GALK2: variants seen among roughly 807,000 people sequenced by gnomAD.
The protein encoded by GALK2 is galactokinase 2, also known as N-acetylgalactosamine kinase.
A neutral mutation model predicts 52.4 loss-of-function variants in GALK2; 36 were observed. The observed-to-expected ratio is 0.69, with a 90% CI of 0.53 to 0.91. The LOEUF is 0.91. Ranked by LOEUF, GALK2 falls within the 40% of genes least tolerant of loss-of-function variation. GALK2 has a pLI of 0.00. For synonymous variants in GALK2, 176 were observed against 199.1 expected, an observed-to-expected ratio of 0.88 and a Z score of 0.98; for missense variants, 579 against 559.1, an observed-to-expected ratio of 1.04 and a Z score of -0.36.
intron 5 of GALK2, among the ~76,000 whole-genome samples, chr15:49,250,553 A>G (rs951705188): frequency 6.6e-6 from 1 of 152,184 alleles, no homozygotes; most frequent in Non-Finnish European, 1.5e-5. Context: ...AAGACAAATC[A>G]CATGTAACTG....
chr15:49,216,104 A>G lies in GALK2; in HGVS notation c.143-1086A>G, dbSNP rs189610810. ...CCCTTTACTCCTCCCAGTCAGAAGT[A>G]GTCTGTCTCCATACTGGGCTGCCTA... is the stretch of plus-strand genomic sequence containing the variant. On this transcript the variant is annotated intron_variant, in intron 2 of 9. Transcript: ENST00000560031. 2.0e-5 allele frequency among the ~76,000 whole-genome samples: 3 copies of G among 152,318 alleles called. No homozygotes were observed. In the East Asian group the frequency reaches 5.8e-4, roughly 29 times the overall value.
chr15:49,327,945 G>T lies in GALK2; in HGVS notation c.1170-7G>T, dbSNP rs1302433781. ...AGGTTCTAATATTTTTTTCCTCACT[G>T]TTTTAGGAAGTTTGGGGCTCAAGGG... On this transcript the variant is annotated splice_region_variant and splice_polypyrimidine_tract_variant and intron_variant, in intron 9 of 9. Transcript: ENST00000560031. 5.6e-6 allele frequency: 9 copies of T among 1,603,396 alleles called. No homozygotes were observed. The highest frequency in any genetic ancestry group is 5.1e-5 in the Admixed American group (3 of 58,582).
At chr15:49,178,665 G>A in intron 1 of GALK2, 1 of 219,424 alleles carries the variant, frequency 4.6e-6, no homozygotes, top group Non-Finnish European at 9.6e-6. Context: ...CTGCTAGCAG[G>A]GACTCTCCGA....
intron 5 of GALK2, among the ~76,000 whole-genome samples, chr15:49,261,043 A>G (rs950669043): frequency 2.0e-5 from 3 of 151,756 alleles, no homozygotes; most frequent in African/African-American, 4.8e-5. Flanking sequence ...TTGGCTTGGC[A>G]ATGCAGGCTC....
In GALK2 at chr15:49,345,787, A is replaced by G. The variant is rs553495785; in HGVS notation, c.427-21704A>G. Among the ~76,000 whole-genome samples the G allele has an allele frequency of 4.2e-4, 64 of 152,328 alleles. 1 individual carries two copies. The highest frequency in any genetic ancestry group is 4.1e-3 in the Admixed American group (62 of 15,304). On this transcript the variant is annotated intron_variant, in intron 3 of 3. Coordinates refer to the GALK2 transcript ENST00000558399. ...ACTCTGGGGTCTTTCATCTCCCTTT[A>G]TAATCACAGAATATTAGAGAAACAA... is the stretch of plus-strand genomic sequence containing the variant.
intron 2 of GALK2, among the ~76,000 whole-genome samples, chr15:49,211,129 G>A (rs1335590641): frequency 2.0e-5 from 3 of 152,132 alleles, no homozygotes; most frequent in African/African-American, 7.2e-5. Flanking sequence ...AGCATAGGTT[G>A]TTAGAAGCAG....
intron 5 of GALK2, among the ~76,000 whole-genome samples, chr15:49,281,351 C>A (rs950583952): frequency 6.6e-6 from 1 of 152,114 alleles, no homozygotes; most frequent in Non-Finnish European, 1.5e-5. Context: ...ATTTTGGAAG[C>A]CTTCGAAATG....
In GALK2 at chr15:49,283,791, T is replaced by C. The variant is rs765324666; in HGVS notation, c.756+73T>C. On this transcript the variant is annotated intron_variant, in intron 7 of 9. Transcript: ENST00000560031. ...CTTTATTTTCATTGTTCTCTATTAC[T>C]TTATCTCTTTCCCCAAATTTTAGGG... 863 of 1,492,388 alleles carry C rather than the reference T, an allele frequency of 5.8e-4. 1 individual carries two copies. Among genetic ancestry groups the C allele is most frequent in the Admixed American group, 1.0e-3 (54 of 53,474 alleles). The allele number at this position is 1,492,388 out of a possible 1,614,324, so 92.4% of individuals were successfully genotyped here.
At chr15:49,295,648 C>G (rs2034409873) in intron 8 of GALK2, among the ~76,000 whole-genome samples, 1 of 152,114 alleles carries the variant, frequency 6.6e-6, no homozygotes, top group South Asian at 2.1e-4. Context: ...CTTTTGAGCC[C>G]ATACTTGCCT....
chr15:49,299,812 G>GTTCTTTCTTTCTTTCTTTCTTT (rs1555428444), intron 8 of GALK2, among the ~76,000 whole-genome samples: 37 of 128,042 alleles, frequency 2.9e-4, no homozygotes, highest in Non-Finnish European at 4.8e-4. Context: ...TAGTCTGAGA[G>GTTCTTTCTTTCTTTCTTTCTTT]CGTGATTGGT....
intron 2 of GALK2, among the ~76,000 whole-genome samples, chr15:49,203,823 A>G (rs1334409802): frequency 6.6e-6 from 1 of 152,204 alleles, no homozygotes. Context: ...GTTGAAAATC[A>G]TTTGGCCTTG....
intron 7 of GALK2, among the ~76,000 whole-genome samples, chr15:49,289,819 C>G (rs1480216709): frequency 6.6e-6 from 1 of 152,158 alleles, no homozygotes; most frequent in Non-Finnish European, 1.5e-5. Flanking sequence ...ACAGGGCCTG[C>G]GTCTGAGAGA....
Position 49,201,053 on chromosome 15 carries a change from AGTGTGTGT to A in GALK2, c.54-82_54-75del, listed in dbSNP as rs10629223. On this transcript the variant is annotated intron_variant, in intron 1 of 9. Transcript: ENST00000560031. ...ATAATTAATGGTGGCAGGCATATGG[AGTGTGTGT>A]GTGTGTGTGTGTGTGTGTGTGTGTG... The A allele has an allele frequency of 3.2e-4, 127 of 400,770 alleles. 1 individual carries two copies. The highest frequency in any genetic ancestry group is 1.6e-3 in the South Asian group (26 of 16,700). 24.8% of individuals were successfully genotyped at this position (400,770 alleles called of 1,614,324 possible).
At chr15:49,274,261 A>G (rs2031272396) in intron 5 of GALK2, among the ~76,000 whole-genome samples, 1 of 152,226 alleles carries the variant, frequency 6.6e-6, no homozygotes. Flanking sequence ...CCTAGTCTAT[A>G]TGGTACAGCC....
At chr15:49,279,256 A>G (rs912711491) in intron 5 of GALK2, among the ~76,000 whole-genome samples, 8 of 152,236 alleles carry the variant, frequency 5.3e-5, no homozygotes, top group African/African-American at 1.4e-4. Context: ...TACTAAAACT[A>G]TTAGCATTGT....
At chr15:49,316,691 G>A (rs1236086973) in intron 8 of GALK2, among the ~76,000 whole-genome samples, 2 of 152,124 alleles carry the variant, frequency 1.3e-5, no homozygotes, top group African/African-American at 4.8e-5. Context: ...AAATGTAAAA[G>A]TGCTTCAGAA....
rs1340629880 is a variant in GALK2 at position 49,366,804 on chromosome 15, T to G, written c.427-687T>G. ...GGCCGGGCTAGGCTGGGATCGCCGC[T>G]GCTGCAGGGGCCGCCACTGCAGCCC... On this transcript the variant is annotated intron_variant, in intron 3 of 3. Coordinates refer to the GALK2 transcript ENST00000558399. The G allele has an allele frequency of 8.9e-6, 5 of 563,318 alleles. No homozygotes were observed. The East Asian group carries it at 1.6e-4, about 18-fold the overall frequency. The allele number at this position is 563,318 out of a possible 1,614,324, so 34.9% of individuals were successfully genotyped here.
intron 9 of GALK2, chr15:49,327,395 G>GTTGA (rs2037697436): frequency 5.3e-5 from 8 of 152,172 alleles, no homozygotes; most frequent in Admixed American, 5.2e-4. Flanking sequence ...CACGCTTTTT[G>GTTGA]TTGATAAGTT....
chr15:49,218,727 G>A (rs1207384631), intron 3 of GALK2, among the ~76,000 whole-genome samples: 1 of 152,170 alleles, frequency 6.6e-6, no homozygotes, highest in African/African-American at 2.4e-5. Context: ...GTTTTTGCCT[G>A]TATGAATAAT....
Sources: allele counts gnomAD v4.1 joint callset (sites outside exome capture counted in the v4.1 genomes callset), GRCh38; gene constraint gnomAD v4.1.1; transcripts MANE v1.5; gene names NCBI Gene and HGNC (gene_info 2026-07-23, HGNC 2026-07-21).